Variants in ANAPC13 observed in about 807,000 individuals in gnomAD.
The protein encoded by ANAPC13 is anaphase-promoting complex subunit 13.
ANAPC13 carries 9 observed loss-of-function variants against 9.6 expected under a neutral mutation model. The ratio of observed to expected loss-of-function variants is 0.94; its 90% CI spans 0.57 to 1.64. The LOEUF (loss-of-function observed/expected upper bound fraction) is 1.64. ANAPC13 is among the 40% of genes most tolerant of loss of function. The pLI is 0.00. For missense variants in ANAPC13, 75 were observed against 85.3 expected, an observed-to-expected ratio of 0.88 and a Z score of 0.48; for synonymous variants, 30 against 29.7, an observed-to-expected ratio of 1.01 and a Z score of -0.03.
chr3:134,478,774 A>C, intron 2 of ANAPC13, 59 bp from the exon 3 acceptor site: 1 of 1,585,522 alleles, frequency 6.3e-7, no homozygotes. Context: ...CTTGGAACTC[A>C]AGAACACTTA....
At chr3:134,483,497 T>TA (rs1934786855) in intron 1 of ANAPC13, among the ~76,000 whole-genome samples, 1 of 152,208 alleles carries the variant, frequency 6.6e-6, no homozygotes, top group Admixed American at 6.5e-5. Flanking sequence ...CTGCTTCCCT[T>TA]TGGGGTAGCT....
At chr3:134,485,221 G>A (rs901812831) in intron 1 of ANAPC13, 8 of 152,178 alleles carry the variant, frequency 5.3e-5, no homozygotes, top group Admixed American at 3.9e-4. Context: ...GATAATCAAT[G>A]CCCAGGGCAC....
At chr3:134,483,873 G>A (rs904296959) in intron 1 of ANAPC13, among the ~76,000 whole-genome samples, 1 of 152,208 alleles carries the variant, frequency 6.6e-6, no homozygotes, top group Non-Finnish European at 1.5e-5. Flanking sequence ...ATCTGGAGGT[G>A]CTTTTTTCAG....
Position 134,478,620 on chromosome 3 carries a change from G to A in ANAPC13, c.195C>T (p.Leu65=), listed in dbSNP as rs777580159. 54 of 1,613,990 alleles carry A rather than the reference G, an allele frequency of 3.3e-5. No homozygotes were observed. Among genetic ancestry groups the A allele is most frequent in the Non-Finnish European group, 4.6e-5 (54 of 1,180,016 alleles). The change falls in exon 3 of 3, where the codon CTC becomes CTT. Residue 65 remains leucine (L), a synonymous_variant. Transcript: ENST00000354910. ...TTCCAATGGGGGGAACATTCTCATGGAGGTACTGTAAGGCTAAGTCTGTCC... is the reference window on the plus strand; with the variant it reads ...TTCCAATGGGGGGAACATTCTCATGAAGGTACTGTAAGGCTAAGTCTGTCC... ...MKWTDLALQY[L]HENVPPIGN is the part of the protein sequence containing the mutation.
At chr3:134,485,991 G>GGCCCCCCC, upstream of ANAPC13, 51 of 938,068 alleles carry the variant, frequency 5.4e-5, no homozygotes, top group Non-Finnish European at 5.6e-5. Flanking sequence ...CTCCTGCCAC[G>GGCCCCCCC]CCCCCCCCCC....
At chr3:134,479,198 C>T (rs1187921361) in intron 2 of ANAPC13, among the ~76,000 whole-genome samples, 1 of 152,160 alleles carries the variant, frequency 6.6e-6, no homozygotes, top group Non-Finnish European at 1.5e-5. Flanking sequence ...GGAATATTTG[C>T]TATTATTATT....
intron 2 of ANAPC13, among the ~76,000 whole-genome samples, chr3:134,481,940 T>C (rs1256986722): frequency 6.6e-6 from 1 of 152,256 alleles, no homozygotes; most frequent in African/African-American, 2.4e-5. Context: ...ATAATTCTTA[T>C]TATGCTCTCT....
intron 2 of ANAPC13, among the ~76,000 whole-genome samples, chr3:134,481,139 C>A (rs1255640119): frequency 6.6e-6 from 1 of 152,236 alleles, no homozygotes. Context: ...ATTGGTCTCA[C>A]TTGCCCCTAT....
Position 134,478,020 on chromosome 3 carries a change from A to T in ANAPC13, c.*570T>A, listed in dbSNP as rs1380558403. Reference sequence around the variant, plus strand: ...TCCAGCAGCACAAAAGGAATTTGTAAGGAGAACAGAGATTAACTGTCAGAT... The same window carrying T: ...TCCAGCAGCACAAAAGGAATTTGTATGGAGAACAGAGATTAACTGTCAGAT... On this transcript the variant is annotated 3_prime_UTR_variant, in exon 3 of 3. Transcript: ENST00000354910. 6.6e-6 allele frequency: 1 copy of T among 152,260 alleles called. No homozygotes were observed. Among genetic ancestry groups the T allele is most frequent in the Non-Finnish European group, 1.5e-5 (1 of 68,056 alleles). 9.4% of individuals were successfully genotyped at this position (152,260 alleles called of 1,614,324 possible).
intron 2 of ANAPC13, 194 bp downstream of exon 2, chr3:134,482,612 T>C (rs913805026): frequency 1.0e-5 from 6 of 597,640 alleles, no homozygotes; most frequent in South Asian, 8.2e-5. Context: ...GACCTGGCCA[T>C]GTTAGCTCCC....
At position 134,485,418 on chromosome 3, in the gene ANAPC13, T is replaced by C. The variant is rs578066220; in HGVS notation, c.-28+534A>G. ...ATCTTAGGTCCCAGGTCGCTTCCTATAGGAGGCCGCCTCCAAACCCCAGGC... is the reference window on the plus strand; with the variant it reads ...ATCTTAGGTCCCAGGTCGCTTCCTACAGGAGGCCGCCTCCAAACCCCAGGC... On this transcript the variant is annotated intron_variant, in intron 1 of 2. Transcript: ENST00000354910. The C allele has an allele frequency of 3.9e-5, 6 of 152,230 alleles. No individual in the cohort carries two copies. The East Asian group carries it at 5.8e-4, about 15-fold the overall frequency. The allele number at this position is 152,230 out of a possible 1,614,324, so 9.4% of individuals were successfully genotyped here.
At chr3:134,478,833 G>A in intron 2 of ANAPC13, 118 bp from the exon 3 acceptor site, 1 of 1,167,648 alleles carries the variant, frequency 8.6e-7, no homozygotes, top group South Asian at 1.4e-5. Context: ...ATTGATATGT[G>A]TATTCTAAAA....
chr3:134,483,054 T>C (rs113495450), intron 1 of ANAPC13, 123 bp from the exon 2 acceptor site: 1 of 661,410 alleles, frequency 1.5e-6, no homozygotes, highest in Non-Finnish European at 2.7e-6. Context: ...TTTTCTCATA[T>C]GGGCCGGGTG....
At chr3:134,485,473 G>A (rs534223862) in intron 1 of ANAPC13, 5 of 152,370 alleles carry the variant, frequency 3.3e-5, no homozygotes, top group African/African-American at 1.2e-4. Context: ...CACCCCTCCA[G>A]GGGTCTCACA....
intron 2 of ANAPC13, among the ~76,000 whole-genome samples, chr3:134,481,590 T>C (rs1934736836): frequency 6.6e-6 from 1 of 152,258 alleles, no homozygotes; most frequent in Admixed American, 6.5e-5. Flanking sequence ...ATTACTTATC[T>C]ATAAGTGTTG....
At chr3:134,479,523 T>A (rs371203570) in intron 2 of ANAPC13, among the ~76,000 whole-genome samples, 1 of 152,112 alleles carries the variant, frequency 6.6e-6, no homozygotes, top group African/African-American at 2.4e-5. Context: ...TTTTTTATTT[T>A]TTTTTAGTAG....
chr3:134,483,536 C>G (rs1334170264), intron 1 of ANAPC13, among the ~76,000 whole-genome samples: 1 of 152,198 alleles, frequency 6.6e-6, no homozygotes, highest in South Asian at 2.1e-4. Flanking sequence ...TCCTCTAATT[C>G]TTAACGCTAC....
rs767558674 is a variant in ANAPC13, at chr3:134,478,574, A to G, written c.*16T>C. On this transcript the variant is annotated 3_prime_UTR_variant, in exon 3 of 3. Coordinates refer to ENST00000354910, the MANE Select transcript of ANAPC13 (RefSeq NM_015391.4). ...TGTACTTTGAGAAAATCCATCCACA[A>G]GAAAGGAGCCAAGCGTCAGTTTCCA... 1 of 1,609,818 alleles carries G rather than the reference A, an allele frequency of 6.2e-7. No individual in the cohort carries two copies. Among genetic ancestry groups the G allele is most frequent in the Non-Finnish European group, 8.5e-7 (1 of 1,178,702 alleles).
In ANAPC13 at chr3:134,478,439, A is replaced by G; in HGVS notation, c.*151T>C. 3 of 1,001,080 alleles carry G rather than the reference A, an allele frequency of 3.0e-6. No homozygotes were observed. Among genetic ancestry groups the G allele is most frequent in the Non-Finnish European group, 4.4e-6 (3 of 688,872 alleles). The allele number at this position is 1,001,080 out of a possible 1,614,324, so 62.0% of individuals were successfully genotyped here. ...CTGAGAAATCTCAGTTTCTCATTCA[A>G]TTTCGCATTGCACTTTGCTACCACA... On this transcript the variant is annotated 3_prime_UTR_variant, in exon 3 of 3. Coordinates refer to ENST00000354910, the MANE Select transcript of ANAPC13 (RefSeq NM_015391.4).
Sources: gnomAD v4.1 joint callset for allele counts (sites outside exome capture counted in the v4.1 genomes callset) on GRCh38, gnomAD v4.1.1 for gene constraint, MANE v1.5 for transcripts, NCBI Gene and HGNC (gene_info 2026-07-23, HGNC 2026-07-21) for gene names.